The following FAM171A1 variants were observed in gnomAD, a reference collection of about 807,000 sequenced individuals.
The protein encoded by FAM171A1 is protein FAM171A1.
A neutral mutation model predicts 74.9 loss-of-function variants in FAM171A1; 23 were observed. The ratio of observed to expected loss-of-function variants is 0.31; its 90% CI spans 0.22 to 0.44. The LOEUF is 0.44. Ranked by LOEUF, FAM171A1 falls within the 20% of genes least tolerant of loss-of-function variation. The pLI is 1.00. For missense variants in FAM171A1, 1,162 were observed against 1,159.2 expected (o/e 1.00, Z -0.03); for synonymous variants, 527 against 505.7 (o/e 1.04, Z -0.57).
chr10:15,275,874 T>A lies in FAM171A1; in HGVS notation c.399A>T (p.Gln133His). The A allele has an allele frequency of 6.2e-7, 1 of 1,610,684 alleles. No homozygotes were observed. The highest frequency in any genetic ancestry group is 8.5e-7 in the Non-Finnish European group (1 of 1,178,092). ...ATLMVYEDVV[Q>H]IVSGFQGARP... ...ATATACCTTGGAATCCTGATACTAT[T>A]TGGACGACATCTTCATATACCATTA... Residue 133 changes from glutamine to histidine, a missense_variant, in exon 3 of 8, where the codon CAA becomes CAT. By Grantham distance (24) the Gln-to-His change is conservative. Transcript: ENST00000378116.
intron 4 of FAM171A1, among the ~76,000 whole-genome samples, chr10:15,254,397 A>T (rs188584253): frequency 6.6e-6 from 1 of 152,348 alleles, no homozygotes; most frequent in African/African-American, 2.4e-5. Flanking sequence ...GTCTAATCTT[A>T]TACTTAAAAA....
In FAM171A1 at chr10:15,225,522, T is replaced by C. The variant is rs148468216; in HGVS notation, c.755-4462A>G. Among the ~76,000 whole-genome samples, 404 of 152,288 alleles carry C rather than the reference T, an allele frequency of 2.7e-3. 2 individuals carry two copies. Among genetic ancestry groups the C allele is most frequent in the Non-Finnish European group, 4.2e-3 (284 of 68,028 alleles). ...TCCAGGGAGTATGGGAATTAGCAAA[T>C]TGTGTACTAGAAACACATGCTTCTC... On this transcript the variant is annotated intron_variant, in intron 5 of 7. Transcript: ENST00000378116.
At chr10:15,246,462 T>C (rs889959277) in intron 5 of FAM171A1, among the ~76,000 whole-genome samples, 3 of 152,226 alleles carry the variant, frequency 2.0e-5, no homozygotes, top group African/African-American at 7.2e-5. Flanking sequence ...ATATCAAAAA[T>C]CTCCCAATTA....
intron 2 of FAM171A1, among the ~76,000 whole-genome samples, chr10:15,279,477 G>C (rs1015429411): frequency 1.4e-4 from 22 of 152,104 alleles, no homozygotes; most frequent in African/African-American, 4.8e-4. Flanking sequence ...ATCACAGAGG[G>C]GAGGCTGATT....
intron 3 of FAM171A1, among the ~76,000 whole-genome samples, chr10:15,265,255 G>A (rs1205830649): frequency 6.6e-6 from 1 of 151,112 alleles, no homozygotes; most frequent in Non-Finnish European, 1.5e-5. Context: ...GTGTGTGCGT[G>A]TGTGTGTGTG....
At chr10:15,275,288 GT>G (rs368213766) in intron 3 of FAM171A1, among the ~76,000 whole-genome samples, 353 of 140,118 alleles carry the variant, frequency 2.5e-3, no homozygotes, top group African/African-American at 4.5e-3. Context: ...TTCCATTTAA[GT>G]TTTTTTTTTT....
chr10:15,297,036 T>G (rs1036610196), intron 1 of FAM171A1, among the ~76,000 whole-genome samples: 1 of 151,910 alleles, frequency 6.6e-6, no homozygotes, highest in Non-Finnish European at 1.5e-5. Flanking sequence ...GCTCATCCTC[T>G]GAAGGGCGTG....
At chr10:15,282,913 A>C (rs1172465735) in intron 2 of FAM171A1, among the ~76,000 whole-genome samples, 1 of 152,148 alleles carries the variant, frequency 6.6e-6, no homozygotes, top group Non-Finnish European at 1.5e-5. Context: ...GATAATAGTT[A>C]ACACTGCTGA....
intron 3 of FAM171A1, among the ~76,000 whole-genome samples, chr10:15,269,548 G>C (rs961036635): frequency 2.6e-5 from 4 of 152,174 alleles, no homozygotes; most frequent in Non-Finnish European, 5.9e-5. Flanking sequence ...TTCTGTGAGA[G>C]CAGGAGGGGC....
At chr10:15,288,408 C>T (rs114423991) in intron 1 of FAM171A1, among the ~76,000 whole-genome samples, 8,442 of 152,030 alleles carry the variant, frequency 0.056, 296 homozygotes, top group Middle Eastern at 0.078. Flanking sequence ...ACCCATCACC[C>T]GAGCAGTATA....
intron 5 of FAM171A1, among the ~76,000 whole-genome samples, chr10:15,226,993 GA>G (rs2131723519): frequency 6.6e-6 from 1 of 152,242 alleles, no homozygotes; most frequent in African/African-American, 2.4e-5. Context: ...ATCAGATACG[GA>G]ACAGTGATAC....
intron 1 of FAM171A1, among the ~76,000 whole-genome samples, chr10:15,327,049 C>T (rs1331623571): frequency 6.6e-6 from 1 of 152,100 alleles, no homozygotes; most frequent in Non-Finnish European, 1.5e-5. Context: ...AAGTACTGAT[C>T]AAAAATTAAT....
At chr10:15,228,336 A>AT (rs71390021) in intron 5 of FAM171A1, among the ~76,000 whole-genome samples, 59,993 of 123,924 alleles carry the variant, frequency 0.48, 14,974 homozygotes, top group African/African-American at 0.62. Flanking sequence ...AAGTGGGAGT[A>AT]TTTTTTTTTT....
chr10:15,338,176 T>C (rs904713211), intron 1 of FAM171A1, among the ~76,000 whole-genome samples: 2 of 152,310 alleles, frequency 1.3e-5, no homozygotes, highest in African/African-American at 4.8e-5. Context: ...GGATTTTACA[T>C]ATTCAAACAT....
intron 3 of FAM171A1, among the ~76,000 whole-genome samples, chr10:15,271,527 CAG>C (rs917799421): frequency 6.6e-6 from 1 of 151,974 alleles, no homozygotes; most frequent in African/African-American, 2.4e-5. Context: ...TCAGGAAAAA[CAG>C]AATGCCACAA....
chr10:15,341,596 T>C (rs1222320813), intron 1 of FAM171A1, among the ~76,000 whole-genome samples: 1 of 152,160 alleles, frequency 6.6e-6, no homozygotes, highest in Non-Finnish European at 1.5e-5. Context: ...AACAAATTAA[T>C]TAATTCAATC....
chr10:15,317,530 G>T (rs1835437212), intron 1 of FAM171A1, among the ~76,000 whole-genome samples: 1 of 152,092 alleles, frequency 6.6e-6, no homozygotes, highest in Admixed American at 6.5e-5. Flanking sequence ...TACTAGCTGG[G>T]ATTACAGGCA....
chr10:15,226,497 G>C (rs900886675), intron 5 of FAM171A1, among the ~76,000 whole-genome samples: 1 of 152,152 alleles, frequency 6.6e-6, no homozygotes, highest in African/African-American at 2.4e-5. Flanking sequence ...AGGGCAAAGA[G>C]ACGTCCCCCC....
At chr10:15,369,115 C>T (rs1303373673) in intron 1 of FAM171A1, among the ~76,000 whole-genome samples, 1 of 152,054 alleles carries the variant, frequency 6.6e-6, no homozygotes, top group African/African-American at 2.4e-5. Flanking sequence ...CCATTTCCCT[C>T]CCATTTCGCA....
Sources: allele counts gnomAD v4.1 joint callset (sites outside exome capture counted in the v4.1 genomes callset), GRCh38; gene constraint gnomAD v4.1.1; transcripts MANE v1.5; gene names NCBI Gene and HGNC (gene_info 2026-07-23, HGNC 2026-07-21).